PARD3B: variants seen among roughly 807,000 people sequenced by gnomAD.
PARD3B encodes par-3 family cell polarity regulator beta.
Under a neutral mutation model 130.2 loss-of-function variants are expected in PARD3B, and 103 were observed. That is an observed-to-expected ratio of 0.79 (90% CI 0.67 to 0.93). PARD3B has a LOEUF of 0.93. Among genes scored for constraint, PARD3B ranks in the 40% least tolerant of loss-of-function variants. The probability of loss-of-function intolerance (pLI) is 0.00; values close to 1 mark genes in which losing one functional copy is unlikely to be tolerated. For missense variants in PARD3B, 1,609 were observed against 1,499.2 expected, an observed-to-expected ratio of 1.07 and a Z score of -1.21; for synonymous variants, 583 against 553.2, an observed-to-expected ratio of 1.05 and a Z score of -0.76.
At chr2:204,965,126 A>C (rs759596833) in intron 2 of PARD3B, 26 bp from the exon 3 acceptor site, 1 of 1,608,076 alleles carries the variant, frequency 6.2e-7, no homozygotes, top group Non-Finnish European at 8.5e-7. Flanking sequence ...CTACAAAGTA[A>C]TTAGTGTTGT....
chr2:204,674,856 C>CT lies in PARD3B; in HGVS notation c.121-11325_121-11324insT, dbSNP rs1401630639. 2.0e-5 allele frequency among the ~76,000 whole-genome samples: 3 copies of CT among 152,240 alleles called. No homozygotes were observed. The East Asian group carries it at 5.8e-4, about 29-fold the overall frequency. On this transcript the variant is annotated intron_variant, in intron 1 of 22. Transcript: ENST00000406610. ...TGGAGTTAGCATACAAAGATGCCAA[C>CT]GTTATAGCACCAAGAAAGTTTGAAT...
At position 204,648,717 on chromosome 2, in the gene PARD3B, A is replaced by G. The variant is rs1474808316; in HGVS notation, c.121-37464A>G. ...ATAATATATATCATATAAATAATATATATTTATAATAGATATCATATAAAT... is the reference window on the plus strand; with the variant it reads ...ATAATATATATCATATAAATAATATGTATTTATAATAGATATCATATAAAT... On this transcript the variant is annotated intron_variant, in intron 1 of 22. Transcript: ENST00000406610. Among the ~76,000 whole-genome samples, 2 of 74,608 alleles carry G rather than the reference A, an allele frequency of 2.7e-5. 1 individual carries two copies. Among genetic ancestry groups the G allele is most frequent in the African/African-American group, 1.2e-4 (2 of 17,114 alleles). The allele number at this position is 74,608 out of a possible 152,430, so 48.9% of individuals were successfully genotyped here. A position where few individuals can be genotyped will look rare whatever the true frequency, so the allele number is the denominator to read the frequency against.
intron 2 of PARD3B, among the ~76,000 whole-genome samples, chr2:204,708,614 A>G (rs1473687735): frequency 6.6e-6 from 1 of 152,192 alleles, no homozygotes. Flanking sequence ...AACTTTATAT[A>G]TTAGTCACAT....
At chr2:205,611,213 C>T (rs1559269575) in intron 22 of PARD3B, among the ~76,000 whole-genome samples, 1 of 152,050 alleles carries the variant, frequency 6.6e-6, no homozygotes, top group Non-Finnish European at 1.5e-5. Context: ...TTGCTCATGC[C>T]CCTTCATCTG....
intron 2 of PARD3B, among the ~76,000 whole-genome samples, chr2:204,803,125 T>C (rs1213267483): frequency 7.4e-6 from 1 of 134,776 alleles, no homozygotes; most frequent in Non-Finnish European, 1.5e-5. Flanking sequence ...AGGGACATAA[T>C]GTATTTAAAG....
At chr2:204,983,069 T>C (rs1048822973) in intron 3 of PARD3B, among the ~76,000 whole-genome samples, 1 of 152,230 alleles carries the variant, frequency 6.6e-6, no homozygotes, top group Admixed American at 6.5e-5. Context: ...GATTTAGTGC[T>C]TTCTACCTGA....
intron 2 of PARD3B, among the ~76,000 whole-genome samples, chr2:204,838,647 A>G (rs2044147952): frequency 6.6e-6 from 1 of 152,150 alleles, no homozygotes. Context: ...CTAGTGTTTG[A>G]TAGAATCAGT....
chr2:205,370,224 T>A (rs2044758727), intron 18 of PARD3B, among the ~76,000 whole-genome samples: 1 of 152,192 alleles, frequency 6.6e-6, no homozygotes, highest in African/African-American at 2.4e-5. Context: ...AACTAGTCAA[T>A]TTTTTTAAGT....
chr2:204,950,804 C>G (rs1689705790), intron 2 of PARD3B, among the ~76,000 whole-genome samples: 1 of 152,180 alleles, frequency 6.6e-6, no homozygotes. Context: ...GAAGATATCT[C>G]ATAGGCGCTA....
At chr2:205,124,885 C>A (rs1015215621) in intron 9 of PARD3B, among the ~76,000 whole-genome samples, 2 of 152,160 alleles carry the variant, frequency 1.3e-5, no homozygotes, top group African/African-American at 4.8e-5. Context: ...TGTCCATATC[C>A]CTATCATCTG....
chr2:204,621,604 T>C (rs1257356257), intron 1 of PARD3B, among the ~76,000 whole-genome samples: 1 of 152,216 alleles, frequency 6.6e-6, no homozygotes, highest in African/African-American at 2.4e-5. Context: ...AAATTTCTTA[T>C]AAATAAAGCG....
chr2:205,063,729 T>C (rs1700192141), intron 4 of PARD3B, among the ~76,000 whole-genome samples: 1 of 152,176 alleles, frequency 6.6e-6, no homozygotes, highest in Admixed American at 6.5e-5. Flanking sequence ...AATTGTTTAG[T>C]TGTAAAGCAA....
intron 1 of PARD3B, among the ~76,000 whole-genome samples, chr2:204,655,111 A>G (rs2035599413): frequency 6.6e-6 from 1 of 152,214 alleles, no homozygotes; most frequent in South Asian, 2.1e-4. Flanking sequence ...GAGACATGTC[A>G]TCATTTCATT....
chr2:205,457,062 CAT>C (rs2048302421), intron 20 of PARD3B, among the ~76,000 whole-genome samples: 1 of 151,538 alleles, frequency 6.6e-6, no homozygotes, highest in Non-Finnish European at 1.5e-5. Context: ...GTGTAGAACT[CAT>C]GTTAATTTTT....
chr2:204,590,572 G>A (rs1291907826), intron 1 of PARD3B, among the ~76,000 whole-genome samples: 1 of 152,148 alleles, frequency 6.6e-6, no homozygotes. Flanking sequence ...GGCTGGGATG[G>A]GGAGAAAGGA....
intron 3 of PARD3B, among the ~76,000 whole-genome samples, chr2:204,980,798 A>T (rs1692599201): frequency 6.6e-6 from 1 of 152,232 alleles, no homozygotes; most frequent in African/African-American, 2.4e-5. Context: ...GTTCCAGACC[A>T]GAAGAGACTG....
chr2:205,423,192 G>C (rs575827349), intron 19 of PARD3B, among the ~76,000 whole-genome samples: 1 of 152,188 alleles, frequency 6.6e-6, no homozygotes, highest in East Asian at 1.9e-4. Flanking sequence ...GCTGAGCGGC[G>C]ATTGCCTAAG....
intron 4 of PARD3B, among the ~76,000 whole-genome samples, chr2:205,062,652 G>A (rs546438346): frequency 1.3e-5 from 2 of 151,706 alleles, no homozygotes; most frequent in Admixed American, 6.6e-5. Context: ...ATGAAAGAAT[G>A]CATAAAAGAA....
chr2:205,264,771 G>T (rs1238929633), intron 16 of PARD3B, among the ~76,000 whole-genome samples: 1 of 151,054 alleles, frequency 6.6e-6, no homozygotes, highest in African/African-American at 2.4e-5. Flanking sequence ...TCTTCCTAAA[G>T]TGATTAGTAA....
Sources: gnomAD v4.1 joint callset for allele counts (sites outside exome capture counted in the v4.1 genomes callset) on GRCh38, gnomAD v4.1.1 for gene constraint, MANE v1.5 for transcripts, NCBI Gene and HGNC (gene_info 2026-07-23, HGNC 2026-07-21) for gene names.